The following COLGALT1 variants were observed in gnomAD, a reference collection of about 807,000 sequenced individuals.
COLGALT1 encodes the protein collagen beta(1-O)galactosyltransferase 1.
In COLGALT1, 43 loss-of-function variants were observed where a neutral mutation model predicts 60.8. The ratio of observed to expected loss-of-function variants is 0.71; its 90% CI spans 0.55 to 0.91. COLGALT1 has a LOEUF of 0.91. Ranked by LOEUF, COLGALT1 falls within the 40% of genes least tolerant of loss-of-function variation. The pLI is 0.00. For missense variants in COLGALT1, 845 were observed against 880.0 expected, an observed-to-expected ratio of 0.96 and a Z score of 0.50; for synonymous variants, 369 against 374.2, an observed-to-expected ratio of 0.99 and a Z score of 0.16.
chr19:17,577,003 T>TG, intron 6 of COLGALT1, 192 bp from the exon 7 acceptor site: 6 of 587,568 alleles, frequency 1.0e-5, no homozygotes, highest in East Asian at 2.9e-5. Flanking sequence ...TGGCCAGGGC[T>TG]TTGGGCTGCT....
intron 6 of COLGALT1, among the ~76,000 whole-genome samples, chr19:17,574,509 T>C (rs2076330174): frequency 6.6e-6 from 1 of 152,136 alleles, no homozygotes. Context: ...TTTGTATTTT[T>C]AGTAGAGACG....
chr19:17,577,699 G>T (rs2076353035), intron 8 of COLGALT1, among the ~76,000 whole-genome samples: 1 of 152,114 alleles, frequency 6.6e-6, no homozygotes, highest in South Asian at 2.1e-4. Context: ...GAATGGGTAG[G>T]TTTGCATGCT....
chr19:17,569,095 G>A lies in COLGALT1; in HGVS notation c.829+382G>A, dbSNP rs1334974931. On this transcript the variant is annotated intron_variant, in intron 5 of 11. Coordinates refer to ENST00000252599, the MANE Select transcript of COLGALT1 (RefSeq NM_024656.4). The stretch of plus-strand genomic sequence containing the variant: ...AATACAAAAATTAGCCGGACGTGGT[G>A]GTGCTACTGGGGAGGCTGAGGCGGG... Among the ~76,000 whole-genome samples the A allele has an allele frequency of 3.3e-5, 5 of 152,036 alleles. No homozygotes were observed. The East Asian group carries it at 7.7e-4, about 23-fold the overall frequency.
chr19:17,562,714 G>T (rs1168398115), intron 3 of COLGALT1, among the ~76,000 whole-genome samples: 2 of 151,954 alleles, frequency 1.3e-5, no homozygotes, highest in Non-Finnish European at 2.9e-5. Flanking sequence ...CCCAAGCAGG[G>T]TATCAGCGAT....
rs758742455 is a variant in COLGALT1, at chr19:17,560,389, C to T, written c.413C>T (p.Ser138Leu). The T allele has an allele frequency of 2.2e-5, 36 of 1,614,052 alleles. No individual in the cohort carries two copies. In the Middle Eastern group the frequency reaches 8.2e-4, roughly 37 times the overall value. ...GAAGGCCCGAAACACTGGTCTGACT[C>T]ACGCTACGAGCATGTCATGAAGTTG... is the stretch of plus-strand genomic sequence containing the variant. ...DEEGPKHWSD[S>L]RYEHVMKLRQ... is the part of the protein sequence containing the mutation. The change falls in exon 3 of 12, where the codon TCA becomes TTA. Residue 138 changes from serine to leucine, a missense_variant. By Grantham distance (145) the Ser-to-Leu change is moderately radical. Coordinates refer to ENST00000252599, the MANE Select transcript of COLGALT1 (RefSeq NM_024656.4).
At chr19:17,557,110 A>T (rs2076216914) in intron 1 of COLGALT1, among the ~76,000 whole-genome samples, 1 of 152,262 alleles carries the variant, frequency 6.6e-6, no homozygotes, top group South Asian at 2.1e-4. Flanking sequence ...AGCTTTTGGC[A>T]CTACGGTCAA....
chr19:17,568,381 C>T (rs372198540), intron 4 of COLGALT1, 128 bp from the exon 5 acceptor site: 1 of 798,054 alleles, frequency 1.3e-6, no homozygotes. Context: ...GTCTGGGGTC[C>T]TGGGACCACA....
chr19:17,577,558 G>A, intron 8 of COLGALT1, 91 bp downstream of exon 8: 1 of 1,203,922 alleles, frequency 8.3e-7, no homozygotes, highest in Non-Finnish European at 1.1e-6. Context: ...TCAGATGGGG[G>A]CGGGCGTGGT....
intron 5 of COLGALT1, among the ~76,000 whole-genome samples, chr19:17,569,491 G>A (rs914128592): frequency 2.6e-5 from 4 of 151,050 alleles, no homozygotes; most frequent in Non-Finnish European, 4.4e-5. Flanking sequence ...AGGCTAGAGT[G>A]CAGTGGTGCG....
chr19:17,567,289 AG>A, intron 3 of COLGALT1, 116 bp from the exon 4 acceptor site: 1 of 1,364,222 alleles, frequency 7.3e-7, no homozygotes, highest in Non-Finnish European at 1.0e-6. Context: ...CATCCGGTGT[AG>A]GGGGTGCTTC....
chr19:17,568,484 C>T (rs369218011), intron 4 of COLGALT1, 25 bp from the exon 5 acceptor site: 48 of 1,601,740 alleles, frequency 3.0e-5, no homozygotes, highest in Middle Eastern at 1.7e-4. Context: ...GACCCCTACG[C>T]GGAACTCTCG....
chr19:17,559,262 G>T (rs763998373), intron 1 of COLGALT1, 49 bp from the exon 2 acceptor site: 2 of 1,394,788 alleles, frequency 1.4e-6, no homozygotes, highest in African/African-American at 1.4e-5. Flanking sequence ...CTGCTGCCTG[G>T]TCCTGCCTCA....
intron 3 of COLGALT1, among the ~76,000 whole-genome samples, chr19:17,561,780 C>T (rs900610593): frequency 4.6e-5 from 7 of 152,006 alleles, no homozygotes; most frequent in Non-Finnish European, 1.0e-4. Flanking sequence ...GGCGTCCATC[C>T]CCTAAATAAT....
Position 17,583,116 on chromosome 19 carries a change from A to G in COLGALT1, c.*1672A>G, listed in dbSNP as rs956786270. On this transcript the variant is annotated 3_prime_UTR_variant, in exon 12 of 12. Transcript: ENST00000252599. ...AGCGGTGCTTCACCCTCTTGGGGAT[A>G]ACTTGCTTAGTTTTTTAATAAATGT... 6.6e-6 allele frequency: 1 copy of G among 152,162 alleles called. No homozygotes were observed. Among genetic ancestry groups the G allele is most frequent in the Non-Finnish European group, 1.5e-5 (1 of 68,042 alleles). The allele number at this position is 152,162 out of a possible 1,614,324, so 9.4% of individuals were successfully genotyped here. A position where few individuals can be genotyped will look rare whatever the true frequency, so the allele number is the denominator to read the frequency against.
intron 6 of COLGALT1, among the ~76,000 whole-genome samples, chr19:17,576,040 C>G (rs1342702869): frequency 6.6e-6 from 1 of 152,174 alleles, no homozygotes; most frequent in Non-Finnish European, 1.5e-5. Flanking sequence ...ATGAGGAAAG[C>G]TGAGGCCCAG....
intron 2 of COLGALT1, among the ~76,000 whole-genome samples, chr19:17,560,039 C>T (rs2076238778): frequency 6.6e-6 from 1 of 152,200 alleles, no homozygotes; most frequent in Admixed American, 6.5e-5. Context: ...ATCCTCCCAC[C>T]TCTGCCTCCC....
At position 17,579,548 on chromosome 19, in the gene COLGALT1, A is replaced by G. The variant is rs768662193; in HGVS notation, c.1333A>G (p.Lys445Glu). 2.5e-6 allele frequency: 4 copies of G among 1,613,958 alleles called. No homozygotes were observed. The East Asian group carries it at 8.9e-5, about 36-fold the overall frequency. ...TGACCTGCGTTTTGAGATCTTCTTC[A>G]AGAGACGTCTGATGAACCTCATGCG... is the stretch of plus-strand genomic sequence containing the variant. ...EDDLRFEIFF[K>E]RRLMNLMRDV... The change falls in exon 10 of 12, where the codon AAG becomes GAG. Residue 445 changes from lysine (K) to glutamate (E), a missense_variant. Transcript: ENST00000252599.
rs770328706 is a variant in COLGALT1, at chr19:17,568,604, C to G, written c.720C>G (p.Ile240Met). 6 of 1,614,218 alleles carry G rather than the reference C, an allele frequency of 3.7e-6. No individual in the cohort carries two copies. The South Asian group carries it at 4.4e-5, about 12-fold the overall frequency. The change falls in exon 5 of 12, where the codon ATC (isoleucine) becomes ATG (methionine). Residue 240 changes from isoleucine (I) to methionine (M), a missense_variant. Coordinates refer to ENST00000252599, the MANE Select transcript of COLGALT1 (RefSeq NM_024656.4). ...CCATGGTGCACTCGACCTTCCTGAT[C>G]GACCTGCGGAAGGCGGCGTCCAGGA... ...AVPMVHSTFL[I>M]DLRKAASRNL...
At chr19:17,570,800 G>A (rs1158303300) in intron 5 of COLGALT1, among the ~76,000 whole-genome samples, 1 of 151,928 alleles carries the variant, frequency 6.6e-6, no homozygotes, top group African/African-American at 2.4e-5. Flanking sequence ...CCTGACCTCA[G>A]GTGATTCACC....
Sources: allele counts gnomAD v4.1 joint callset (sites outside exome capture counted in the v4.1 genomes callset), GRCh38; gene constraint gnomAD v4.1.1; transcripts MANE v1.5; gene names NCBI Gene and HGNC (gene_info 2026-07-23, HGNC 2026-07-21).